The following NUMB variants were observed in gnomAD, a reference collection of about 807,000 sequenced individuals.
The protein encoded by NUMB is protein numb homolog.
A neutral mutation model predicts 59.7 loss-of-function variants in NUMB; 29 were observed. That is an observed-to-expected ratio of 0.49 (90% CI 0.36 to 0.66). The LOEUF (loss-of-function observed/expected upper bound fraction) is 0.66. NUMB is among the 30% of genes least tolerant of loss of function. NUMB has a pLI of 0.00. For missense variants in NUMB, 723 were observed against 822.0 expected (o/e 0.88, Z 1.47); for synonymous variants, 288 against 288.2 (o/e 1.00, Z 0.01).
chr14:73,387,013 T>C (rs1895574261), intron 2 of NUMB, among the ~76,000 whole-genome samples: 1 of 149,352 alleles, frequency 6.7e-6, no homozygotes, highest in South Asian at 2.1e-4. Context: ...CCCAAGTAGC[T>C]GGGACTACAG....
intron 1 of NUMB, among the ~76,000 whole-genome samples, chr14:73,433,539 T>C (rs555534177): frequency 3.9e-5 from 6 of 152,284 alleles, no homozygotes; most frequent in African/African-American, 1.4e-4. Flanking sequence ...TTTTAAACGT[T>C]ACATTTTCAG....
intron 4 of NUMB, among the ~76,000 whole-genome samples, chr14:73,352,092 C>T (rs1438937828): frequency 6.6e-6 from 1 of 152,006 alleles, no homozygotes; most frequent in East Asian, 1.9e-4. Flanking sequence ...GATTTAATGG[C>T]TTCCCACGTA....
At chr14:73,414,478 C>CCG (rs1010718607) in intron 1 of NUMB, among the ~76,000 whole-genome samples, 17 of 152,144 alleles carry the variant, frequency 1.1e-4, no homozygotes, top group Non-Finnish European at 1.8e-4. Flanking sequence ...ACTGCAACCT[C>CCG]CGCTTCCTGG....
At position 73,398,318 on chromosome 14, in the gene NUMB, G is replaced by GA. The variant is rs1442851388; in HGVS notation, c.-101+11618dup. On this transcript the variant is annotated intron_variant, in intron 2 of 12. Transcript: ENST00000555238. The stretch of plus-strand genomic sequence containing the variant: ...AAATGGTCATAAATTATTGTGAAAG[G>GA]AAAAAATGTAAGAAAACTGTGTATA... Among the ~76,000 whole-genome samples the GA allele has an allele frequency of 2.7e-5, 4 of 150,578 alleles. No homozygotes were observed. The Admixed American group carries it at 2.7e-4, about 10-fold the overall frequency.
At chr14:73,298,736 C>CA (rs1451074087) in intron 6 of NUMB, 1 of 152,114 alleles carries the variant, frequency 6.6e-6, no homozygotes, top group African/African-American at 2.4e-5. Flanking sequence ...ATAAGTGATC[C>CA]AAGCCCAGGA....
intron 4 of NUMB, among the ~76,000 whole-genome samples, chr14:73,347,108 T>C (rs1340335131): frequency 1.3e-5 from 2 of 152,116 alleles, no homozygotes; most frequent in Non-Finnish European, 2.9e-5. Context: ...TCCTCCCACT[T>C]CAGCCTCCCA....
At chr14:73,278,045 CAAAAAAAAAAA>C (rs57146032) in intron 12 of NUMB, among the ~76,000 whole-genome samples, 954 of 69,262 alleles carry the variant, frequency 0.014, 25 homozygotes, top group African/African-American at 0.055. Flanking sequence ...GACTCCGTCT[CAAAAAAAAAAA>C]AAAAAAAAAA....
chr14:73,443,946 C>T (rs1047289246), intron 1 of NUMB, among the ~76,000 whole-genome samples: 4 of 76,610 alleles, frequency 5.2e-5, no homozygotes, highest in African/African-American at 3.5e-4. Context: ...TCACTCTGTC[C>T]CCCCACGCAG....
chr14:73,358,025 C>T (rs1260053138), intron 3 of NUMB, among the ~76,000 whole-genome samples: 2 of 152,076 alleles, frequency 1.3e-5, no homozygotes, highest in South Asian at 4.1e-4. Flanking sequence ...GAAAATCATC[C>T]CTGCACTCAG....
intron 2 of NUMB, among the ~76,000 whole-genome samples, chr14:73,400,929 T>C (rs1896380712): frequency 6.6e-6 from 1 of 152,182 alleles, no homozygotes; most frequent in African/African-American, 2.4e-5. Flanking sequence ...AAATGAAGTG[T>C]TTCCCTGAGT....
intron 4 of NUMB, among the ~76,000 whole-genome samples, chr14:73,353,656 G>A (rs1893600489): frequency 6.6e-6 from 1 of 151,226 alleles, no homozygotes; most frequent in Non-Finnish European, 1.5e-5. Flanking sequence ...AGGTTGCAGT[G>A]AGCCGAGATC....
intron 2 of NUMB, among the ~76,000 whole-genome samples, chr14:73,367,348 T>TATATATATATATAGAGAGAGAGAGAG (rs1555375287): frequency 3.8e-5 from 4 of 105,326 alleles, no homozygotes; most frequent in African/African-American, 2.0e-4. Context: ...TATATATATA[T>TATATATATATATAGAGAGAGAGAGAG]AGAGAGAGAG....
chr14:73,315,978 T>C (rs1376503839), intron 6 of NUMB, among the ~76,000 whole-genome samples: 1 of 151,966 alleles, frequency 6.6e-6, no homozygotes, highest in Non-Finnish European at 1.5e-5. Context: ...CCTCCACCTC[T>C]TGGGTTCAAT....
chr14:73,301,987 G>A (rs1331512670), intron 6 of NUMB, among the ~76,000 whole-genome samples: 1 of 152,066 alleles, frequency 6.6e-6, no homozygotes, highest in Non-Finnish European at 1.5e-5. Flanking sequence ...GGAGGCTGAG[G>A]CAGGAGAATT....
intron 4 of NUMB, among the ~76,000 whole-genome samples, chr14:73,328,221 G>A (rs1005967494): frequency 2.0e-5 from 3 of 150,182 alleles, no homozygotes; most frequent in African/African-American, 7.4e-5. Context: ...GTTGCGGTGA[G>A]CCAAGGTGGC....
At chr14:73,454,220 TA>T (rs1052338088) in intron 1 of NUMB, among the ~76,000 whole-genome samples, 6 of 151,432 alleles carry the variant, frequency 4.0e-5, no homozygotes, top group East Asian at 1.9e-4. Flanking sequence ...AATTTTTTTT[TA>T]AAAAAAAAGG....
At chr14:73,378,985 C>T (rs995147637) in intron 2 of NUMB, among the ~76,000 whole-genome samples, 5 of 152,142 alleles carry the variant, frequency 3.3e-5, no homozygotes, top group Admixed American at 1.3e-4. Context: ...ACTCTCTGTA[C>T]TTTCTGCTCA....
chr14:73,430,724 G>A (rs1328207735), intron 1 of NUMB, among the ~76,000 whole-genome samples: 16 of 151,976 alleles, frequency 1.1e-4, no homozygotes, highest in African/African-American at 3.1e-4. Flanking sequence ...GGCAGATCAC[G>A]AGGTCAGGAG....
chr14:73,317,226 G>C (rs903944316), intron 5 of NUMB, among the ~76,000 whole-genome samples: 5 of 152,182 alleles, frequency 3.3e-5, no homozygotes, highest in African/African-American at 4.8e-5. Flanking sequence ...TGATGTCTGT[G>C]GGCCACAACT....
Sources: gnomAD v4.1 joint callset for allele counts (sites outside exome capture counted in the v4.1 genomes callset) on GRCh38, gnomAD v4.1.1 for gene constraint, MANE v1.5 for transcripts, NCBI Gene and HGNC (gene_info 2026-07-23, HGNC 2026-07-21) for gene names.